PLEKHG3: variants seen among roughly 807,000 people sequenced by gnomAD.
The protein encoded by PLEKHG3 is pleckstrin homology domain-containing family G member 3.
PLEKHG3 carries 62 observed loss-of-function variants against 94.9 expected under a neutral mutation model. The ratio of observed to expected loss-of-function variants is 0.65; its 90% confidence interval spans 0.53 to 0.81. The LOEUF (loss-of-function observed/expected upper bound fraction) is 0.81. Ranked by LOEUF, PLEKHG3 falls within the 30% of genes least tolerant of loss-of-function variation. The pLI is 0.00. For synonymous variants in PLEKHG3, 614 were observed against 654.0 expected (o/e 0.94, Z 0.93); for missense variants, 1,461 against 1,619.3 (o/e 0.90, Z 1.68).
At position 64,741,275 on chromosome 14, in the gene PLEKHG3, C is replaced by G; in HGVS notation, c.1758C>G (p.Ala586=). 6.2e-7 allele frequency: 1 copy of G among 1,613,816 alleles called. No individual in the cohort carries two copies. Among genetic ancestry groups the G allele is most frequent in the Admixed American group, 1.7e-5 (1 of 60,018 alleles). Residue 586 remains alanine (A), a synonymous_variant, in exon 16 of 17, where the codon GCC becomes GCG. Transcript: ENST00000247226. ...SSEEEEEMGG[A]AQEPESLLPP... is the part of the protein sequence containing the mutation. The stretch of plus-strand genomic sequence containing the variant: ...AGGAGGAAGAAGAAATGGGAGGTGC[C>G]GCCCAGGAGCCTGAGAGCCTTCTGC...
intron 1 of PLEKHG3, among the ~76,000 whole-genome samples, chr14:64,719,138 A>G (rs2081220049): frequency 6.6e-6 from 1 of 152,134 alleles, no homozygotes; most frequent in Non-Finnish European, 1.5e-5. Context: ...TTAGAAGATC[A>G]TGGTCTATAT....
chr14:64,735,886 T>C (rs1017457191), intron 12 of PLEKHG3, among the ~76,000 whole-genome samples: 1 of 152,290 alleles, frequency 6.6e-6, no homozygotes, highest in Admixed American at 6.5e-5. Context: ...TAAATATTCT[T>C]GATAAGTTTT....
At chr14:64,714,085 T>C (rs1470335689) in intron 1 of PLEKHG3, among the ~76,000 whole-genome samples, 1 of 152,246 alleles carries the variant, frequency 6.6e-6, no homozygotes, top group African/African-American at 2.4e-5. Context: ...TATTCTTTAA[T>C]TTCTAGTTCT....
In PLEKHG3 at chr14:64,716,091, C is replaced by T. The variant is rs533708828; in HGVS notation, c.-40+11387C>T. ...CGGATGGGAGCTCTCCTGAGGAAAG[C>T]GGTAGGTACCCGGCTGGGGCCAGGC... On this transcript the variant is annotated intron_variant, in intron 1 of 16. Coordinates refer to ENST00000247226, the MANE Select transcript of PLEKHG3 (RefSeq NM_001308147.2). The surrounding 1 kb of genome is among the most constrained non-coding windows in gnomAD (Gnocchi z 5.0). The T allele has an allele frequency of 8.3e-4, 377 of 455,922 alleles. 2 individuals carry two copies. Among genetic ancestry groups the T allele is most frequent in the Non-Finnish European group, 1.8e-4 (40 of 226,576 alleles). 28.2% of individuals were successfully genotyped at this position (455,922 alleles called of 1,614,324 possible).
chr14:64,707,166 G>A (rs1439509861), intron 1 of PLEKHG3, among the ~76,000 whole-genome samples: 1 of 152,190 alleles, frequency 6.6e-6, no homozygotes, highest in East Asian at 1.9e-4. Context: ...CTCAGCAGAA[G>A]CCCTCCAGCG....
rs1437456860 is a variant in PLEKHG3 at position 64,741,567 on chromosome 14, A to G, written c.2050A>G (p.Asn684Asp). 6.2e-7 allele frequency: 1 copy of G among 1,613,000 alleles called. No individual in the cohort carries two copies. The highest frequency in any genetic ancestry group is 8.5e-7 in the Non-Finnish European group (1 of 1,180,032). The change falls in exon 16 of 17, where the codon AAT (asparagine) becomes GAT (aspartate). Residue 684 changes from asparagine (N) to aspartate (D), a missense_variant. Asn to Asp is a conservative substitution (Grantham distance 23, BLOSUM62 1). This residue lies in a region of PLEKHG3 where 1,201 missense variants were observed against 1,295.5 expected (regional missense o/e 0.93). Coordinates refer to ENST00000247226, the MANE Select transcript of PLEKHG3 (RefSeq NM_001308147.2). Reference protein sequence around the residue: ...GVATEDSPSVNGMEPPSPGCP... With the variant: ...GVATEDSPSVDGMEPPSPGCP... Reference sequence around the variant, plus strand: ...GGCCACAGAGGACAGCCCTTCTGTCAATGGGATGGAGCCCCCAAGCCCAGG... The same window carrying G: ...GGCCACAGAGGACAGCCCTTCTGTCGATGGGATGGAGCCCCCAAGCCCAGG...
In PLEKHG3 at chr14:64,741,504, T is replaced by G. The variant is rs1304367407; in HGVS notation, c.1987T>G (p.Cys663Gly). Reference sequence around the variant, plus strand: ...TGGCAGTGCCACAGACTCCCTCAGCTGTCAGCTCTCCCCAGAAGTGGACAT... The same window carrying G: ...TGGCAGTGCCACAGACTCCCTCAGCGGTCAGCTCTCCCCAGAAGTGGACAT... ...RHGSATDSLS[C>G]QLSPEVDISV... Residue 663 changes from cysteine to glycine, a missense_variant, in exon 16 of 17, where the codon TGT becomes GGT. Around this residue, in one of 3 missense-constraint regions of PLEKHG3, gnomAD observed 1,201 missense variants for 1,295.5 expected, o/e 0.93. Coordinates refer to ENST00000247226, the MANE Select transcript of PLEKHG3 (RefSeq NM_001308147.2). The G allele has an allele frequency of 1.3e-5, 21 of 1,612,756 alleles. No homozygotes were observed. The highest frequency in any genetic ancestry group is 1.8e-5 in the Non-Finnish European group (21 of 1,180,010).
At chr14:64,736,680 AG>A (rs1018823408) in intron 12 of PLEKHG3, among the ~76,000 whole-genome samples, 172 bp from the exon 13 acceptor site, 1 of 152,094 alleles carries the variant, frequency 6.6e-6, no homozygotes, top group Admixed American at 6.5e-5. Context: ...CGTAGGTGCA[AG>A]GGGGCTCGCC....
Position 64,721,991 on chromosome 14 carries a change from T to C in PLEKHG3, c.-39-5602T>C, listed in dbSNP as rs2081269900. Among the ~76,000 whole-genome samples, 1 of 151,916 alleles carries C rather than the reference T, an allele frequency of 6.6e-6. No individual in the cohort carries two copies. Among genetic ancestry groups the C allele is most frequent in the Non-Finnish European group, 1.5e-5 (1 of 67,904 alleles). ...TTCACATTGCTCCCACACTGTTTTTTCTGGAAAAGTTATAGCTTTTCTCTA... is the reference window on the plus strand; with the variant it reads ...TTCACATTGCTCCCACACTGTTTTTCCTGGAAAAGTTATAGCTTTTCTCTA... On this transcript the variant is annotated intron_variant, in intron 1 of 16. Coordinates refer to ENST00000247226, the MANE Select transcript of PLEKHG3 (RefSeq NM_001308147.2). The surrounding 1 kb of genome is among the most constrained non-coding windows in gnomAD (Gnocchi z 4.3).
intron 12 of PLEKHG3, 128 bp downstream of exon 12, chr14:64,733,029 G>A (rs1827341046): frequency 4.7e-6 from 3 of 632,524 alleles, no homozygotes; most frequent in South Asian, 3.9e-5. Flanking sequence ...GCTAGAGCGG[G>A]GCTGGACACA....
chr14:64,716,496 AACACACACACAC>A lies in PLEKHG3; in HGVS notation c.-39-11053_-39-11042del, dbSNP rs58480790. ...ACACACACACAACACACACACACACAACACACACACACACACACACACACACACACACACACA... is the reference window on the plus strand; with the variant it reads ...ACACACACACAACACACACACACACAACACACACACACACACACACACACA... On this transcript the variant is annotated intron_variant, in intron 1 of 16. Coordinates refer to ENST00000247226, the MANE Select transcript of PLEKHG3 (RefSeq NM_001308147.2). The surrounding 1 kb of genome is among the most constrained non-coding windows in gnomAD (Gnocchi z 5.0). Among the ~76,000 whole-genome samples, 1,535 of 79,502 alleles carry A rather than the reference AACACACACACAC, an allele frequency of 0.019. 17 individuals are homozygous for A. The highest frequency in any genetic ancestry group is 0.025 in the Non-Finnish European group (1,030 of 41,128). 52.2% of individuals were successfully genotyped at this position (79,502 alleles called of 152,430 possible).
rs951558469 is a variant in PLEKHG3 at position 64,716,234 on chromosome 14, C to G, written c.-39-11359C>G. The G allele has an allele frequency of 2.0e-5, 7 of 357,016 alleles. No homozygotes were observed. The highest frequency in any genetic ancestry group is 3.9e-5 in the Non-Finnish European group (7 of 178,816). 22.1% of individuals were successfully genotyped at this position (357,016 alleles called of 1,614,324 possible). ...GCTTTAGGGTAAAAGGCAGGTTTTT[C>G]CCTTGTGGGTTAGACACTGAGGACC... On this transcript the variant is annotated intron_variant, in intron 1 of 16. Transcript: ENST00000247226. The surrounding 1 kb of genome is among the most constrained non-coding windows in gnomAD (Gnocchi z 5.0).
At chr14:64,736,765 A>C (rs2081578707) in intron 12 of PLEKHG3, 88 bp from the exon 13 acceptor site, 3 of 951,124 alleles carry the variant, frequency 3.2e-6, no homozygotes, top group Non-Finnish European at 5.2e-6. Flanking sequence ...TGAGCTGGTG[A>C]TGGGCTGGTG....
In PLEKHG3 at chr14:64,727,577, G is replaced by T. The variant is rs1014254658; in HGVS notation, c.-39-16G>T. ...GCATTCAGAGGTTGACCCTTCATCT[G>T]TCTGTCTTGTTGCAGAATCTCCCTG... On this transcript the variant is annotated splice_polypyrimidine_tract_variant and intron_variant, in intron 1 of 16. Transcript: ENST00000247226. This position sits in a 1 kb window ranked among gnomAD's most constrained non-coding sequence, Gnocchi z 6.0. 1.0e-6 allele frequency: 1 copy of T among 973,340 alleles called. No homozygotes were observed. The highest frequency in any genetic ancestry group is 1.9e-5 in the Admixed American group (1 of 52,022). The allele number at this position is 973,340 out of a possible 1,614,324, so 60.3% of individuals were successfully genotyped here. A position where few individuals can be genotyped will look rare whatever the true frequency, so the allele number is the denominator to read the frequency against.
rs920536213 is a variant in PLEKHG3, at chr14:64,741,317, C to T, written c.1800C>T (p.Asp600=). ...PESLLPPSVL[D]QASVIAERFV... is the part of the protein sequence containing the mutation. ...GCCTTCTGCCACCCTCTGTGCTGGA[C>T]CAGGCCAGCGTCATTGCGGAGCGAT... The change falls in exon 16 of 17, where the codon GAC becomes GAT. Residue 600 remains aspartate, a synonymous_variant. Transcript: ENST00000247226. 7.4e-6 allele frequency: 12 copies of T among 1,613,622 alleles called. No homozygotes were observed. Among genetic ancestry groups the T allele is most frequent in the Admixed American group, 6.7e-5 (4 of 60,012 alleles).
chr14:64,741,893 A>G lies in PLEKHG3; in HGVS notation c.2376A>G (p.Pro792=). 1.2e-6 allele frequency: 2 copies of G among 1,606,142 alleles called. No homozygotes were observed. The highest frequency in any genetic ancestry group is 1.7e-6 in the Non-Finnish European group (2 of 1,176,658). ...TSWALFELPG[P]SQAVKGDPPP... The stretch of plus-strand genomic sequence containing the variant: ...GGGCCCTGTTTGAGCTCCCAGGACC[A>G]AGCCAGGCAGTCAAAGGGGACCCAC... Residue 792 remains proline, a synonymous_variant, in exon 16 of 17, where the codon CCA becomes CCG. Transcript: ENST00000247226.
Position 64,730,580 on chromosome 14 carries a change from A to G in PLEKHG3, c.520-62A>G. On this transcript the variant is annotated intron_variant, in intron 4 of 16. Coordinates refer to ENST00000247226, the MANE Select transcript of PLEKHG3 (RefSeq NM_001308147.2). The surrounding 1 kb of genome is among the most constrained non-coding windows in gnomAD (Gnocchi z 5.4). ...TCTGGGGGCCAGGGGCCTATCTGCT[A>G]CCACCATCTTTACTGTCAAATGAGA... 1 of 1,408,450 alleles carries G rather than the reference A, an allele frequency of 7.1e-7. No homozygotes were observed. Among genetic ancestry groups the G allele is most frequent in the Non-Finnish European group, 1.0e-6 (1 of 994,320 alleles). 87.2% of individuals were successfully genotyped at this position (1,408,450 alleles called of 1,614,324 possible).
chr14:64,734,125 T>C (rs377249555), intron 12 of PLEKHG3, among the ~76,000 whole-genome samples: 2 of 152,354 alleles, frequency 1.3e-5, no homozygotes, highest in Non-Finnish European at 2.9e-5. Context: ...CAGTGGCTTA[T>C]AGAAGGCTTT....
chr14:64,736,810 G>A lies in PLEKHG3; in HGVS notation c.1346-43G>A, dbSNP rs376635968. 1.7e-5 allele frequency: 26 copies of A among 1,524,550 alleles called. No homozygotes were observed. In the African/African-American group the frequency reaches 3.3e-4, roughly 19 times the overall value. 94.4% of individuals were successfully genotyped at this position (1,524,550 alleles called of 1,614,324 possible). On this transcript the variant is annotated intron_variant, in intron 12 of 16. Coordinates refer to ENST00000247226, the MANE Select transcript of PLEKHG3 (RefSeq NM_001308147.2). ...GCTTGGGACCCAGCCAGGCACAGCAGTTTCCTGGCCCGCGCTGACTCTGCT... is the reference window on the plus strand; with the variant it reads ...GCTTGGGACCCAGCCAGGCACAGCAATTTCCTGGCCCGCGCTGACTCTGCT...
Sources: allele counts gnomAD v4.1 joint callset (sites outside exome capture counted in the v4.1 genomes callset), GRCh38; gene constraint gnomAD v4.1.1; regional missense constraint gnomAD v4.1.1; non-coding constraint Gnocchi (gnomAD v3.1); transcripts MANE v1.5; gene names NCBI Gene and HGNC (gene_info 2026-07-23, HGNC 2026-07-21).